ITPR2: variants seen among roughly 807,000 people sequenced by gnomAD.
ITPR2 encodes inositol 1,4,5-trisphosphate receptor type 2, also known as inositol 1,4,5-trisphosphate-gated calcium channel ITPR2.
In ITPR2, 207 loss-of-function variants were observed where a neutral mutation model predicts 317.1. The observed-to-expected ratio is 0.65, with a 90% CI of 0.58 to 0.73. ITPR2 has a LOEUF of 0.73. Among genes scored for constraint, ITPR2 ranks in the 30% least tolerant of loss-of-function variants. The pLI is 0.00. For synonymous variants in ITPR2, 1,156 were observed against 1,149.1 expected (o/e 1.01, Z -0.12); for missense variants, 2,613 against 3,284.0 (o/e 0.80, Z 4.99).
chr12:26,533,472 T>C (rs1023694759), intron 37 of ITPR2, among the ~76,000 whole-genome samples: 6 of 152,242 alleles, frequency 3.9e-5, no homozygotes, highest in Non-Finnish European at 5.9e-5. Context: ...AGAAAACCTT[T>C]GCACATCTCA....
intron 37 of ITPR2, among the ~76,000 whole-genome samples, chr12:26,520,076 T>G (rs1001861741): frequency 6.6e-6 from 1 of 152,196 alleles, no homozygotes; most frequent in Non-Finnish European, 1.5e-5. Context: ...TTGTTACATT[T>G]TGGTACTATG....
intron 46 of ITPR2, among the ~76,000 whole-genome samples, chr12:26,442,373 G>A (rs1941506087): frequency 6.6e-6 from 1 of 152,244 alleles, no homozygotes; most frequent in Middle Eastern, 3.4e-3. Flanking sequence ...TAGAGAGTAA[G>A]TGCTCAGTAA....
intron 55 of ITPR2, among the ~76,000 whole-genome samples, chr12:26,368,912 G>A (rs1235829502): frequency 6.6e-6 from 1 of 152,168 alleles, no homozygotes; most frequent in Non-Finnish European, 1.5e-5. Context: ...TTGGGGAAAT[G>A]AAAAATCAGG....
intron 47 of ITPR2, 73 bp from the exon 48 acceptor site, chr12:26,436,419 A>C: frequency 7.5e-7 from 1 of 1,324,770 alleles, no homozygotes; most frequent in East Asian, 2.6e-5. Context: ...GCTTACCAAA[A>C]CAATATTTTA....
At chr12:26,792,480 C>T (rs2122268) in intron 1 of ITPR2, among the ~76,000 whole-genome samples, 143,332 of 151,832 alleles carry the variant, frequency 0.94, 67,780 homozygotes, top group East Asian at 1. Flanking sequence ...GCCAACTCAT[C>T]TACCATTTAC....
intron 1 of ITPR2, among the ~76,000 whole-genome samples, chr12:26,809,639 C>T (rs1227425238): frequency 6.6e-6 from 1 of 152,116 alleles, no homozygotes; most frequent in Non-Finnish European, 1.5e-5. Context: ...TTGAGTAAAA[C>T]TTACCCAAAA....
intron 37 of ITPR2, among the ~76,000 whole-genome samples, chr12:26,537,638 CATTT>C (rs1944135371): frequency 6.6e-6 from 1 of 152,198 alleles, no homozygotes; most frequent in Non-Finnish European, 1.5e-5. Context: ...CATGAGTCCT[CATTT>C]AAATTATTTT....
chr12:26,664,294 C>T (rs1947569102), intron 14 of ITPR2, among the ~76,000 whole-genome samples: 1 of 151,320 alleles, frequency 6.6e-6, no homozygotes, highest in Non-Finnish European at 1.5e-5. Flanking sequence ...AAAATGACTT[C>T]CAAACATTGC....
chr12:26,439,085 C>T (rs1344876979), intron 47 of ITPR2, 42 bp downstream of exon 47: 1 of 1,262,720 alleles, frequency 7.9e-7, no homozygotes, highest in Non-Finnish European at 1.1e-6. Flanking sequence ...AAATTATCTA[C>T]CACTATGCAC....
rs1286287960 is a variant in ITPR2, at chr12:26,595,476, C to T, written c.4369G>A (p.Asp1457Asn). 6.2e-7 allele frequency: 1 copy of T among 1,605,892 alleles called. No homozygotes were observed. The highest frequency in any genetic ancestry group is 2.2e-5 in the East Asian group (1 of 44,620). Residue 1457 changes from aspartate to asparagine, a missense_variant, in exon 32 of 57, where the codon GAT becomes AAT. This residue lies in a region of ITPR2 where 926 missense variants were observed against 1,072.8 expected (regional missense o/e 0.86). Transcript: ENST00000381340. ...AAAATCTAACTTACCCTTGCCATATCCACCAAGAAGTTCTCAAATAATTTC... is the reference window on the plus strand; with the variant it reads ...AAAATCTAACTTACCCTTGCCATATTCACCAAGAAGTTCTCAAATAATTTC... ...IWKLFENFLV[D>N]MARVCNTTTD...
chr12:26,713,352 A>G (rs976038220), intron 8 of ITPR2, among the ~76,000 whole-genome samples: 1 of 152,194 alleles, frequency 6.6e-6, no homozygotes, highest in East Asian at 1.9e-4. Flanking sequence ...GTGACAGCAC[A>G]CAATAGAGAA....
At chr12:26,533,883 G>C (rs1944012010) in intron 37 of ITPR2, among the ~76,000 whole-genome samples, 2 of 152,184 alleles carry the variant, frequency 1.3e-5, no homozygotes, top group African/African-American at 4.8e-5. Flanking sequence ...TGTGATGGCA[G>C]CCCTACAAAC....
intron 35 of ITPR2, among the ~76,000 whole-genome samples, chr12:26,560,854 T>A (rs2137027386): frequency 6.6e-6 from 1 of 152,334 alleles, no homozygotes; most frequent in East Asian, 1.9e-4. Context: ...TCAGTTAATG[T>A]CTTGGCCATT....
chr12:26,376,702 TTTTC>T (rs368067657), intron 55 of ITPR2, among the ~76,000 whole-genome samples: 2,165 of 151,748 alleles, frequency 0.014, 25 homozygotes, highest in South Asian at 0.029. Context: ...CTTTCTTTTT[TTTTC>T]TTTCTTTCTT....
chr12:26,706,571 A>G (rs1284726633), intron 9 of ITPR2, among the ~76,000 whole-genome samples: 1 of 151,880 alleles, frequency 6.6e-6, no homozygotes, highest in African/African-American at 2.4e-5. Context: ...TTAAGCAGCA[A>G]CCTCTCTGAC....
At chr12:26,436,487 T>G in intron 47 of ITPR2, 141 bp from the exon 48 acceptor site, 1 of 702,132 alleles carries the variant, frequency 1.4e-6, no homozygotes, top group Non-Finnish European at 2.2e-6. Context: ...ATATTTGACT[T>G]GAGTAAGTTT....
At chr12:26,496,198 T>A (rs1176423861) in intron 37 of ITPR2, among the ~76,000 whole-genome samples, 1 of 152,164 alleles carries the variant, frequency 6.6e-6, no homozygotes, top group African/African-American at 2.4e-5. Flanking sequence ...ATCTTGCAGG[T>A]AAGGAAACTG....
intron 37 of ITPR2, among the ~76,000 whole-genome samples, chr12:26,506,574 G>C (rs944147001): frequency 1.3e-5 from 2 of 150,736 alleles, no homozygotes; most frequent in Non-Finnish European, 3.0e-5. Flanking sequence ...ACCTATGGTC[G>C]GCTGAAAGAA....
At chr12:26,412,717 A>G (rs1287540775) in intron 51 of ITPR2, among the ~76,000 whole-genome samples, 1 of 152,188 alleles carries the variant, frequency 6.6e-6, no homozygotes, top group African/African-American at 2.4e-5. Flanking sequence ...GTCCATCTAA[A>G]GGAGTCATAG....
Sources: gnomAD v4.1 joint callset for allele counts (sites outside exome capture counted in the v4.1 genomes callset) on GRCh38, gnomAD v4.1.1 for gene constraint, gnomAD v4.1.1 regional missense constraint, MANE v1.5 for transcripts, NCBI Gene and HGNC (gene_info 2026-07-23, HGNC 2026-07-21) for gene names.